The following CEP76 variants were observed in gnomAD, a reference collection of about 807,000 sequenced individuals.
CEP76 encodes centrosomal protein of 76 kDa.
CEP76 carries 55 observed loss-of-function variants against 83.3 expected under a neutral mutation model. The observed-to-expected ratio is 0.66, with a 90% CI of 0.53 to 0.83. The LOEUF (loss-of-function observed/expected upper bound fraction) is 0.83, where lower values mean the gene tolerates loss of function less well. CEP76 is among the 40% of genes least tolerant of loss of function. CEP76 has a pLI of 0.00. For missense variants in CEP76, 694 were observed against 799.5 expected (o/e 0.87, Z 1.59); for synonymous variants, 270 against 274.5 (o/e 0.98, Z 0.16).
In CEP76 at chr18:12,695,609, CTA is replaced by C. The variant is rs547531968; in HGVS notation, c.707-260_707-259del. The stretch of plus-strand genomic sequence containing the variant: ...TTCTTTAAGTAGAGATGGGGTCTCC[CTA>C]TGTTATTCAGGTTGGTCTTAAACTC... On this transcript the variant is annotated intron_variant, in intron 5 of 11. Coordinates refer to ENST00000262127, the MANE Select transcript of CEP76 (RefSeq NM_024899.4). Among the ~76,000 whole-genome samples, 370 of 152,014 alleles carry C rather than the reference CTA, an allele frequency of 2.4e-3. 3 individuals are homozygous for C. Among genetic ancestry groups the C allele is most frequent in the South Asian group, 0.014 (69 of 4,814 alleles).
intron 8 of CEP76, among the ~76,000 whole-genome samples, chr18:12,683,623 C>T (rs1196739439): frequency 6.6e-6 from 1 of 150,622 alleles, no homozygotes; most frequent in Non-Finnish European, 1.5e-5. Flanking sequence ...TGGTGGCGGG[C>T]ACCTGTAATC....
chr18:12,672,523 A>T (rs1450748991), downstream of CEP76: 3 of 260,648 alleles, frequency 1.2e-5, no homozygotes, highest in Non-Finnish European at 1.8e-5. Context: ...TATTTAGATT[A>T]GTCACATATA....
At chr18:12,681,490 T>TCCTC (rs1568016564) in intron 8 of CEP76, among the ~76,000 whole-genome samples, 1 of 152,014 alleles carries the variant, frequency 6.6e-6, no homozygotes, top group Non-Finnish European at 1.5e-5. Context: ...GCTCAAGTGA[T>TCCTC]CCTCCTGCCT....
downstream of CEP76, among the ~76,000 whole-genome samples, chr18:12,672,336 G>A (rs1271038520): frequency 1.3e-5 from 2 of 151,774 alleles, no homozygotes; most frequent in Non-Finnish European, 2.9e-5. Flanking sequence ...GGCTGGTCAC[G>A]AACTCCTGAC....
chr18:12,674,193 T>G (rs2039035756), intron 11 of CEP76, among the ~76,000 whole-genome samples: 1 of 151,816 alleles, frequency 6.6e-6, no homozygotes, highest in South Asian at 2.1e-4. Flanking sequence ...TCCCAGCAAT[T>G]TGGGAGGCTG....
intron 3 of CEP76, among the ~76,000 whole-genome samples, chr18:12,699,560 T>C (rs1320985051): frequency 1.3e-5 from 2 of 152,196 alleles, no homozygotes. Context: ...TTGTCAATTA[T>C]ATTAATATTT....
chr18:12,678,725 G>A (rs1321848626), intron 9 of CEP76, among the ~76,000 whole-genome samples: 1 of 151,942 alleles, frequency 6.6e-6, no homozygotes, highest in East Asian at 1.9e-4. Flanking sequence ...GGAGGCCGAG[G>A]CAGGGGGATC....
At chr18:12,680,158 T>C (rs940486196) in intron 9 of CEP76, among the ~76,000 whole-genome samples, 1 of 152,118 alleles carries the variant, frequency 6.6e-6, no homozygotes, top group Admixed American at 6.6e-5. Context: ...ATATTTGAGG[T>C]AAAAGTTTTC....
At chr18:12,672,178 G>A (rs1049864493), downstream of CEP76, among the ~76,000 whole-genome samples, 4 of 147,918 alleles carry the variant, frequency 2.7e-5, no homozygotes, top group African/African-American at 7.5e-5. Context: ...GCAGTGGCGC[G>A]ATCTCACCTC....
intron 3 of CEP76, among the ~76,000 whole-genome samples, chr18:12,699,546 G>A (rs1242024298): frequency 6.6e-6 from 1 of 152,122 alleles, no homozygotes; most frequent in Non-Finnish European, 1.5e-5. Flanking sequence ...TTCAGCAAGT[G>A]TATTTGTCAA....
intron 9 of CEP76, among the ~76,000 whole-genome samples, chr18:12,680,131 C>T (rs1402648183): frequency 1.3e-5 from 2 of 151,284 alleles, no homozygotes; most frequent in Admixed American, 6.6e-5. Context: ...TGTTTACCAA[C>T]ATCATGTTGG....
chr18:12,689,332 C>G (rs1326520925), intron 7 of CEP76, among the ~76,000 whole-genome samples: 1 of 152,090 alleles, frequency 6.6e-6, no homozygotes, highest in Non-Finnish European at 1.5e-5. Context: ...ATTTTATTTA[C>G]TCTATGTATA....
chr18:12,699,486 G>C (rs959915199), intron 3 of CEP76, among the ~76,000 whole-genome samples: 2 of 152,100 alleles, frequency 1.3e-5, no homozygotes, highest in Admixed American at 6.6e-5. Context: ...CTTTTTAACT[G>C]CTTATCCAAC....
chr18:12,671,642 C>CTTT (rs869130220), downstream of CEP76, among the ~76,000 whole-genome samples: 497 of 55,476 alleles, frequency 9.0e-3, 2 homozygotes, highest in Non-Finnish European at 0.01. Flanking sequence ...TTCACACTTT[C>CTTT]TTTTTTTTTT....
chr18:12,695,486 C>G (rs2039920927), intron 5 of CEP76, 135 bp from the exon 6 acceptor site: 2 of 452,850 alleles, frequency 4.4e-6, no homozygotes, highest in South Asian at 8.9e-5. Context: ...TCAACATTAC[C>G]TTTAATATTC....
chr18:12,671,033 T>G (rs1325453650), downstream of CEP76: 1 of 152,158 alleles, frequency 6.6e-6, no homozygotes, highest in African/African-American at 2.4e-5. Context: ...TGATGAAAAT[T>G]GTAGAAGAGG....
chr18:12,674,505 T>C, intron 11 of CEP76, 31 bp downstream of exon 11: 1 of 1,557,246 alleles, frequency 6.4e-7, no homozygotes, highest in Non-Finnish European at 8.8e-7. Flanking sequence ...ACTCCTAAAC[T>C]GAAAAAATGA....
intron 5 of CEP76, among the ~76,000 whole-genome samples, chr18:12,696,084 T>C (rs2039946387): frequency 6.6e-6 from 1 of 152,202 alleles, no homozygotes; most frequent in Non-Finnish European, 1.5e-5. Context: ...ACTGCTACGA[T>C]TATCATGTTA....
chr18:12,676,737 A>G (rs1250680279), intron 10 of CEP76, among the ~76,000 whole-genome samples: 11 of 152,220 alleles, frequency 7.2e-5, no homozygotes, highest in East Asian at 1.9e-4. Flanking sequence ...TGCTGAAAAC[A>G]TATTACAAAT....
Sources: gnomAD v4.1 joint callset for allele counts (sites outside exome capture counted in the v4.1 genomes callset) on GRCh38, gnomAD v4.1.1 for gene constraint, MANE v1.5 for transcripts, NCBI Gene and HGNC (gene_info 2026-07-23, HGNC 2026-07-21) for gene names.